Variants in GPR26 observed in about 807,000 individuals in gnomAD.
GPR26 encodes G protein-coupled receptor 26.
Under a neutral mutation model 23.1 loss-of-function variants are expected in GPR26, and 15 were observed. That is an observed-to-expected ratio of 0.65 (90% CI 0.43 to 1.00). The LOEUF (loss-of-function observed/expected upper bound fraction) is 1.00, where lower values mean the gene tolerates loss of function less well. Ranked by LOEUF, GPR26 falls within the 50% of genes least tolerant of loss-of-function variation. The pLI is 0.00. For missense variants in GPR26, 359 were observed against 470.5 expected (o/e 0.76, Z 2.19); for synonymous variants, 228 against 222.1 (o/e 1.03, Z -0.24).
rs968575069 is a variant in GPR26, at chr10:123,691,855, C to T, written c.*3695C>T. 3.9e-5 allele frequency: 6 copies of T among 152,178 alleles called. No homozygotes were observed. The highest frequency in any genetic ancestry group is 1.4e-4 in the African/African-American group (6 of 41,434). The allele number at this position is 152,178 out of a possible 1,614,324, so 9.4% of individuals were successfully genotyped here. A position where few individuals can be genotyped will look rare whatever the true frequency, so the allele number is the denominator to read the frequency against. Reference sequence around the variant, plus strand: ...GGACCTGGGTTTCCGCACTTTTAATCATCGATGCCCAGGTAACTGATAGGA... The same window carrying T: ...GGACCTGGGTTTCCGCACTTTTAATTATCGATGCCCAGGTAACTGATAGGA... On this transcript the variant is annotated 3_prime_UTR_variant, in exon 3 of 3. Coordinates refer to ENST00000284674, the MANE Select transcript of GPR26 (RefSeq NM_153442.4).
chr10:123,671,453 C>T (rs1428186164), intron 1 of GPR26, among the ~76,000 whole-genome samples: 1 of 152,114 alleles, frequency 6.6e-6, no homozygotes, highest in Non-Finnish European at 1.5e-5. Context: ...CAGTACCTGT[C>T]ACAATGCTGG....
chr10:123,676,468 T>A (rs1845311901), intron 2 of GPR26, among the ~76,000 whole-genome samples: 1 of 152,194 alleles, frequency 6.6e-6, no homozygotes, highest in African/African-American at 2.4e-5. Context: ...ACCCAGGGGA[T>A]GCCAGTAGCA....
At position 123,688,107 on chromosome 10, in the gene GPR26, T is replaced by A; in HGVS notation, c.961T>A (p.Ser321Thr). ...CCTGCACAGACGCTCCATCCACTCC[T>A]CTGGCCTCACAGGCGACTCTCACAG... ...RLLHRRSIHS[S>T]GLTGDSHSQN... is the part of the protein sequence containing the mutation. Residue 321 changes from serine to threonine, a missense_variant, in exon 3 of 3, where the codon TCT (serine) becomes ACT (threonine). Ser to Thr is a moderately conservative substitution (Grantham distance 58). Coordinates refer to ENST00000284674, the MANE Select transcript of GPR26 (RefSeq NM_153442.4). The A allele has an allele frequency of 6.2e-7, 1 of 1,613,804 alleles. No homozygotes were observed.
At chr10:123,667,885 G>A (rs1427561176) in intron 1 of GPR26, among the ~76,000 whole-genome samples, 1 of 152,176 alleles carries the variant, frequency 6.6e-6, no homozygotes, top group African/African-American at 2.4e-5. Flanking sequence ...AGAGAAGGAG[G>A]GAACTCTTAG....
At chr10:123,682,286 C>A (rs1564732469) in intron 2 of GPR26, among the ~76,000 whole-genome samples, 1 of 151,968 alleles carries the variant, frequency 6.6e-6, no homozygotes, top group Non-Finnish European at 1.5e-5. Context: ...AAGAGACCAT[C>A]AGCACTGGTA....
intron 1 of GPR26, among the ~76,000 whole-genome samples, chr10:123,668,450 T>C (rs1845213164): frequency 6.6e-6 from 1 of 152,218 alleles, no homozygotes; most frequent in Admixed American, 6.5e-5. Flanking sequence ...CCAGGCCATG[T>C]AAACGTGGGA....
chr10:123,684,158 C>G (rs1481394084), intron 2 of GPR26, among the ~76,000 whole-genome samples: 3 of 152,194 alleles, frequency 2.0e-5, no homozygotes, highest in Non-Finnish European at 4.4e-5. Flanking sequence ...AATGGAGCCT[C>G]ATGTCCCAGA....
chr10:123,686,639 T>G (rs563596005), intron 2 of GPR26, among the ~76,000 whole-genome samples: 27 of 152,206 alleles, frequency 1.8e-4, no homozygotes, highest in South Asian at 2.1e-4. Flanking sequence ...CAATTAAAGA[T>G]AGAAGCACTG....
rs1845448128 is a variant in GPR26 at position 123,688,045 on chromosome 10, A to G, written c.899A>G (p.Gln300Arg). Reference protein sequence around the residue: ...DPFVYSLLRHQYRKSCKEILN... With the variant: ...DPFVYSLLRHRYRKSCKEILN... Reference sequence around the variant, plus strand: ...TTTGTGTACTCCTTACTGCGACACCAGTACCGCAAAAGCTGCAAGGAGATT... The same window carrying G: ...TTTGTGTACTCCTTACTGCGACACCGGTACCGCAAAAGCTGCAAGGAGATT... Residue 300 changes from glutamine (Q) to arginine (R), a missense_variant, in exon 3 of 3, where the codon CAG becomes CGG. Transcript: ENST00000284674. 1 of 1,613,590 alleles carries G rather than the reference A, an allele frequency of 6.2e-7. No individual in the cohort carries two copies. The highest frequency in any genetic ancestry group is 2.2e-5 in the East Asian group (1 of 44,884).
intron 1 of GPR26, among the ~76,000 whole-genome samples, chr10:123,667,829 A>C (rs1845205294): frequency 6.6e-6 from 1 of 152,102 alleles, no homozygotes; most frequent in Non-Finnish European, 1.5e-5. Context: ...CTGGGCAAGC[A>C]TGGGTACCCT....
At chr10:123,669,642 G>T (rs1366675186) in intron 1 of GPR26, among the ~76,000 whole-genome samples, 5 of 152,204 alleles carry the variant, frequency 3.3e-5, no homozygotes, top group African/African-American at 1.2e-4. Flanking sequence ...TAATTACAAA[G>T]GACCTGTTTT....
At position 123,666,985 on chromosome 10, in the gene GPR26, T is replaced by G. The variant is rs1328180972; in HGVS notation, c.578T>G (p.Leu193Arg). ...LSFVVLCCTY[L>R]KVLKVARFHC... ...TTCGTCGTGCTCTGCTGCACGTACC[T>G]CAAGGTGCTCAAGGTGGCCCGCTTC... Residue 193 changes from leucine (L) to arginine (R), a missense_variant, in exon 1 of 3, where the codon CTC becomes CGC. Leu to Arg is a moderately radical substitution (Grantham distance 102). Transcript: ENST00000284674. 6 of 1,613,074 alleles carry G rather than the reference T, an allele frequency of 3.7e-6. No individual in the cohort carries two copies. Among genetic ancestry groups the G allele is most frequent in the Non-Finnish European group, 5.1e-6 (6 of 1,179,684 alleles).
At chr10:123,683,621 T>C (rs1267578669) in intron 2 of GPR26, among the ~76,000 whole-genome samples, 1 of 152,146 alleles carries the variant, frequency 6.6e-6, no homozygotes, top group Non-Finnish European at 1.5e-5. Flanking sequence ...GAGGTCCCCA[T>C]GGGTGAGGAG....
In GPR26 at chr10:123,692,424, G is replaced by A. The variant is rs1315212111; in HGVS notation, c.*4264G>A. 2 of 152,312 alleles carry A rather than the reference G, an allele frequency of 1.3e-5. No homozygotes were observed. The highest frequency in any genetic ancestry group is 2.9e-5 in the Non-Finnish European group (2 of 68,118). The allele number at this position is 152,312 out of a possible 1,614,324, so 9.4% of individuals were successfully genotyped here. On this transcript the variant is annotated 3_prime_UTR_variant, in exon 3 of 3. Transcript: ENST00000284674. ...AGACAGTTCTCCATGCCAGTATCTG[G>A]GTGTGGGTCTCTTGTTGGCTCCCAG...
rs947381794 is a variant in GPR26 at position 123,672,974 on chromosome 10, A to T, written c.669-1844A>T. ...GTCCCTCACTCACATAAATGTTGTGAGTTTTAAATAAATGAATAATTCCCC... is the reference window on the plus strand; with the variant it reads ...GTCCCTCACTCACATAAATGTTGTGTGTTTTAAATAAATGAATAATTCCCC... On this transcript the variant is annotated intron_variant, in intron 1 of 2. Transcript: ENST00000284674. Among the ~76,000 whole-genome samples, 10 of 152,302 alleles carry T rather than the reference A, an allele frequency of 6.6e-5. No homozygotes were observed. In the East Asian group the frequency reaches 1.7e-3, roughly 26 times the overall value.
At chr10:123,686,821 T>C (rs568400160) in intron 2 of GPR26, among the ~76,000 whole-genome samples, 1 of 152,296 alleles carries the variant, frequency 6.6e-6, no homozygotes, top group African/African-American at 2.4e-5. Flanking sequence ...ACTGACTTGC[T>C]GTGTGATATC....
In GPR26 at chr10:123,666,907, T is replaced by G; in HGVS notation, c.500T>G (p.Leu167Arg). The change falls in exon 1 of 3, where the codon CTG becomes CGG. Residue 167 changes from leucine (L) to arginine (R), a missense_variant. Physicochemically the swap from Leu to Arg is moderately radical, Grantham distance 102. Coordinates refer to ENST00000284674, the MANE Select transcript of GPR26 (RefSeq NM_153442.4). Reference sequence around the variant, plus strand: ...TGCAGCCGGCGGCCAGACGAGCGCCTGCGCTTCGCCGTCTTCACTGGCGCC... The same window carrying G: ...TGCAGCCGGCGGCCAGACGAGCGCCGGCGCTTCGCCGTCTTCACTGGCGCC... The part of the protein sequence containing the change: ...TLCSRRPDER[L>R]RFAVFTGAFH... 1 of 1,612,942 alleles carries G rather than the reference T, an allele frequency of 6.2e-7. No individual in the cohort carries two copies. The highest frequency in any genetic ancestry group is 1.1e-5 in the South Asian group (1 of 91,044).
Position 123,695,265 on chromosome 10 carries a change from A to C in GPR26, c.*7105A>C, listed in dbSNP as rs1419157159. Among the ~76,000 whole-genome samples, 1 of 152,210 alleles carries C rather than the reference A, an allele frequency of 6.6e-6. No individual in the cohort carries two copies. Among genetic ancestry groups the C allele is most frequent in the Non-Finnish European group, 1.5e-5 (1 of 68,034 alleles). Reference sequence around the variant, plus strand: ...ATTTGGATTTTTAACTCAAAAGACGATGTGTACCCCTTGGGGCATGCGTGT... The same window carrying C: ...ATTTGGATTTTTAACTCAAAAGACGCTGTGTACCCCTTGGGGCATGCGTGT... On this transcript the variant is annotated 3_prime_UTR_variant, in exon 3 of 3. Coordinates refer to ENST00000284674, the MANE Select transcript of GPR26 (RefSeq NM_153442.4).
chr10:123,685,998 T>C (rs890528351), intron 2 of GPR26, among the ~76,000 whole-genome samples: 2 of 152,262 alleles, frequency 1.3e-5, no homozygotes, highest in African/African-American at 4.8e-5. Context: ...AGACTTGCCA[T>C]GAAATCTCTG....
Sources: gnomAD v4.1 joint callset for allele counts (sites outside exome capture counted in the v4.1 genomes callset) on GRCh38, gnomAD v4.1.1 for gene constraint, MANE v1.5 for transcripts, NCBI Gene and HGNC (gene_info 2026-07-23, HGNC 2026-07-21) for gene names.